Variants in PCNX2 observed in about 807,000 individuals in gnomAD.
The protein encoded by PCNX2 is pecanex 2.
PCNX2 carries 168 observed loss-of-function variants against 223.8 expected under a neutral mutation model. That is an observed-to-expected ratio of 0.75 (90% CI 0.66 to 0.85). PCNX2 has a LOEUF of 0.85. Among genes scored for constraint, PCNX2 ranks in the 40% least tolerant of loss-of-function variants. The probability of loss-of-function intolerance (pLI) is 0.00; values close to 1 mark genes in which losing one functional copy is unlikely to be tolerated. For synonymous variants in PCNX2, 1,006 were observed against 1,052.6 expected, an observed-to-expected ratio of 0.96 and a Z score of 0.86; for missense variants, 2,507 against 2,675.5, an observed-to-expected ratio of 0.94 and a Z score of 1.39.
rs534891097 is a variant in PCNX2 at position 233,234,349 on chromosome 1, G to A, written c.2358+2496C>T. On this transcript the variant is annotated intron_variant, in intron 9 of 33. Transcript: ENST00000258229. Reference sequence around the variant, plus strand: ...ATATTTTCTTAGGGTCTAAACATGAGCCTGGTTAGCAATCTTCGTTTTTCC... The same window carrying A: ...ATATTTTCTTAGGGTCTAAACATGAACCTGGTTAGCAATCTTCGTTTTTCC... 6.6e-5 allele frequency among the ~76,000 whole-genome samples: 10 copies of A among 152,220 alleles called. No individual in the cohort carries two copies. The South Asian group carries it at 2.1e-3, about 32-fold the overall frequency.
At position 233,179,191 on chromosome 1, in the gene PCNX2, C is replaced by A. The variant is rs919342288; in HGVS notation, c.3067-16G>T. 6.2e-7 allele frequency: 1 copy of A among 1,612,638 alleles called. No individual in the cohort carries two copies. The highest frequency in any genetic ancestry group is 8.5e-7 in the Non-Finnish European group (1 of 1,179,096). On this transcript the variant is annotated splice_polypyrimidine_tract_variant and intron_variant, in intron 15 of 33. Coordinates refer to ENST00000258229, the MANE Select transcript of PCNX2 (RefSeq NM_014801.4). ...TCCACGGTTCCTAAAGAAAAGACAT[C>A]AGTTAGCCAAGTCACTCCACAGCTG...
At chr1:233,120,164 C>CAAAAAAATAAAAAAAAAAA (rs1675689426) in intron 21 of PCNX2, among the ~76,000 whole-genome samples, 1 of 42,668 alleles carries the variant, frequency 2.3e-5, no homozygotes. Context: ...GACTCCATTT[C>CAAAAAAATAAAAAAAAAAA]AAAAAAAAAA....
At chr1:233,167,760 T>C in intron 17 of PCNX2, 1 of 985,042 alleles carries the variant, frequency 1.0e-6, no homozygotes. Flanking sequence ...CTTCAGAGCT[T>C]GCTACTGTGT....
intron 23 of PCNX2, 107 bp downstream of exon 23, chr1:233,089,954 A>G (rs576402198): frequency 3.2e-4 from 489 of 1,547,926 alleles, no homozygotes; most frequent in Admixed American, 5.2e-4. Context: ...CTGGCCCCAC[A>G]GCAGGGGGAA....
In PCNX2 at chr1:233,037,954, G is replaced by T. The variant is rs190561064; in HGVS notation, c.4352-12555C>A. 2.0e-5 allele frequency among the ~76,000 whole-genome samples: 3 copies of T among 152,264 alleles called. No homozygotes were observed. The East Asian group carries it at 5.8e-4, about 29-fold the overall frequency. Reference sequence around the variant, plus strand: ...ATGTGACACTTATCAATTTAAAAAGGAATGCTTCAGAGTATCTCATTTGAT... The same window carrying T: ...ATGTGACACTTATCAATTTAAAAAGTAATGCTTCAGAGTATCTCATTTGAT... On this transcript the variant is annotated intron_variant, in intron 25 of 33. Coordinates refer to ENST00000258229, the MANE Select transcript of PCNX2 (RefSeq NM_014801.4).
At chr1:232,994,066 T>C (rs1466165760) in intron 32 of PCNX2, among the ~76,000 whole-genome samples, 1 of 152,228 alleles carries the variant, frequency 6.6e-6, no homozygotes, top group Non-Finnish European at 1.5e-5. Flanking sequence ...AATGTGGGGT[T>C]GGAGCCCCCA....
chr1:233,202,023 G>A (rs1338500869), intron 13 of PCNX2: 2 of 348,662 alleles, frequency 5.7e-6, no homozygotes, highest in East Asian at 8.7e-5. Flanking sequence ...AAACATCCTG[G>A]AGGAGGAAAG....
At chr1:233,220,245 T>C (rs969165414) in intron 10 of PCNX2, among the ~76,000 whole-genome samples, 2 of 151,902 alleles carry the variant, frequency 1.3e-5, no homozygotes, top group African/African-American at 4.8e-5. Context: ...TTACAAACAT[T>C]CATGTGCAGT....
At chr1:233,173,950 A>G (rs1385963413) in intron 17 of PCNX2, among the ~76,000 whole-genome samples, 2 of 151,168 alleles carry the variant, frequency 1.3e-5, no homozygotes, top group Non-Finnish European at 3.0e-5. Flanking sequence ...TATGCACAGA[A>G]AAGTTTTATA....
intron 21 of PCNX2, among the ~76,000 whole-genome samples, chr1:233,133,354 G>T (rs1007199587): frequency 1.3e-5 from 2 of 152,186 alleles, no homozygotes; most frequent in African/African-American, 4.8e-5. Flanking sequence ...GCTTATGGAA[G>T]CCTGTGATTT....
intron 23 of PCNX2, among the ~76,000 whole-genome samples, chr1:233,067,570 T>C (rs926918402): frequency 1.3e-5 from 2 of 150,834 alleles, no homozygotes; most frequent in African/African-American, 2.4e-5. Context: ...ACCTCCAGGG[T>C]TCAAGTGATT....
intron 25 of PCNX2, among the ~76,000 whole-genome samples, chr1:233,031,569 T>G (rs1432123805): frequency 6.6e-6 from 1 of 152,160 alleles, no homozygotes; most frequent in Non-Finnish European, 1.5e-5. Context: ...ATGACCATAA[T>G]ATGCCAGAGA....
At chr1:233,286,133 A>G (rs1244212045) in intron 1 of PCNX2, among the ~76,000 whole-genome samples, 1 of 152,220 alleles carries the variant, frequency 6.6e-6, no homozygotes, top group Non-Finnish European at 1.5e-5. Flanking sequence ...ATGTAATAGA[A>G]TTTAGAAAAA....
At chr1:233,131,167 T>C (rs1202716630) in intron 21 of PCNX2, among the ~76,000 whole-genome samples, 2 of 152,152 alleles carry the variant, frequency 1.3e-5, no homozygotes, top group African/African-American at 4.8e-5. Context: ...TAATTCTCTA[T>C]TTAGTGAAAC....
chr1:233,079,906 G>A (rs534216818), intron 23 of PCNX2, among the ~76,000 whole-genome samples: 6 of 152,276 alleles, frequency 3.9e-5, no homozygotes, highest in Non-Finnish European at 5.9e-5. Flanking sequence ...CTAAAGTCCC[G>A]GAACTCACTC....
chr1:233,192,699 T>C (rs1477265752), intron 15 of PCNX2, among the ~76,000 whole-genome samples: 1 of 152,060 alleles, frequency 6.6e-6, no homozygotes, highest in Admixed American at 6.5e-5. Flanking sequence ...TCGAATAATA[T>C]GAATGCCAAA....
At position 233,262,035 on chromosome 1, in the gene PCNX2, G is replaced by T; in HGVS notation, c.480+10C>A. 6.2e-7 allele frequency: 1 copy of T among 1,613,484 alleles called. No individual in the cohort carries two copies. Reference sequence around the variant, plus strand: ...ATGAAGAGGGTGAAACAGGAAAGAAGACCACTAACCAATGGCCCAGAAGAG... The same window carrying T: ...ATGAAGAGGGTGAAACAGGAAAGAATACCACTAACCAATGGCCCAGAAGAG... On this transcript the variant is annotated intron_variant, in intron 3 of 33. Coordinates refer to ENST00000258229, the MANE Select transcript of PCNX2 (RefSeq NM_014801.4).
At chr1:233,201,758 T>C (rs1159357793) in intron 13 of PCNX2, 2 of 153,842 alleles carry the variant, frequency 1.3e-5, no homozygotes, top group Non-Finnish European at 2.9e-5. Context: ...CAAAGCCAGA[T>C]ATTGGGAGCT....
At chr1:233,074,877 T>A (rs1230453832) in intron 23 of PCNX2, among the ~76,000 whole-genome samples, 2 of 152,116 alleles carry the variant, frequency 1.3e-5, no homozygotes, top group Admixed American at 6.5e-5. Flanking sequence ...GAGCTATCAC[T>A]GTATACCCCT....
Sources: allele counts gnomAD v4.1 joint callset (sites outside exome capture counted in the v4.1 genomes callset), GRCh38; gene constraint gnomAD v4.1.1; transcripts MANE v1.5; gene names NCBI Gene and HGNC (gene_info 2026-07-23, HGNC 2026-07-21).